SORCS1: variants seen among roughly 807,000 people sequenced by gnomAD.
SORCS1 encodes the protein sortilin related VPS10 domain containing receptor 1, also known as VPS10 domain-containing receptor SorCS1.
A neutral mutation model predicts 146.1 loss-of-function variants in SORCS1; 60 were observed. The observed-to-expected ratio is 0.41, with a 90% CI of 0.33 to 0.51. The LOEUF is 0.51. SORCS1 is among the 20% of genes least tolerant of loss of function. The probability of loss-of-function intolerance (pLI) is 0.21; values close to 1 mark genes in which losing one functional copy is unlikely to be tolerated. For synonymous variants in SORCS1, 637 were observed against 584.0 expected, an observed-to-expected ratio of 1.09 and a Z score of -1.31; for missense variants, 1,352 against 1,487.6, an observed-to-expected ratio of 0.91 and a Z score of 1.50.
intron 5 of SORCS1, among the ~76,000 whole-genome samples, chr10:106,738,112 G>C (rs1017718236): frequency 6.6e-6 from 1 of 152,124 alleles, no homozygotes; most frequent in African/African-American, 2.4e-5. Flanking sequence ...CATAAATGGG[G>C]AAGAAAAAAC....
intron 1 of SORCS1, among the ~76,000 whole-genome samples, chr10:107,101,565 C>A (rs541819111): frequency 6.6e-6 from 1 of 152,134 alleles, no homozygotes; most frequent in Non-Finnish European, 1.5e-5. Context: ...ACCTAGACAG[C>A]CCTCCCTCCT....
At position 106,689,559 on chromosome 10, in the gene SORCS1, G is replaced by A. The variant is rs571560361; in HGVS notation, c.1414-1221C>T. ...ACTTAACTTGGGCCCTTTATAACACGAAAAATTTTTAAGCAGAATAGTGAA... is the reference window on the plus strand; with the variant it reads ...ACTTAACTTGGGCCCTTTATAACACAAAAAATTTTTAAGCAGAATAGTGAA... On this transcript the variant is annotated intron_variant, in intron 9 of 25. Coordinates refer to ENST00000263054, the MANE Select transcript of SORCS1 (RefSeq NM_052918.5). Among the ~76,000 whole-genome samples, 6 of 152,222 alleles carry A rather than the reference G, an allele frequency of 3.9e-5. No homozygotes were observed. In the South Asian group the frequency reaches 6.2e-4, roughly 16 times the overall value.
intron 1 of SORCS1, among the ~76,000 whole-genome samples, chr10:107,118,744 T>G (rs955318960): frequency 1.3e-5 from 2 of 152,346 alleles, no homozygotes; most frequent in South Asian, 4.1e-4. Flanking sequence ...ATTTTTTTCT[T>G]GTCAGAATAA....
intron 3 of SORCS1, among the ~76,000 whole-genome samples, chr10:106,817,839 T>C (rs1947817079): frequency 6.6e-6 from 1 of 152,206 alleles, no homozygotes; most frequent in African/African-American, 2.4e-5. Flanking sequence ...CTAAATGATA[T>C]TTTTCTGTTG....
At chr10:107,114,104 G>C (rs1965869870) in intron 1 of SORCS1, among the ~76,000 whole-genome samples, 1 of 152,030 alleles carries the variant, frequency 6.6e-6, no homozygotes, top group Non-Finnish European at 1.5e-5. Flanking sequence ...TGAATAACTA[G>C]GTAATTTGAA....
intron 3 of SORCS1, among the ~76,000 whole-genome samples, chr10:106,803,498 G>T (rs943037167): frequency 1.3e-5 from 2 of 152,186 alleles, no homozygotes; most frequent in African/African-American, 4.8e-5. Flanking sequence ...ACATTTGAGT[G>T]ATTAGATTCT....
At chr10:106,585,869 A>G (rs1199123328) in intron 24 of SORCS1, among the ~76,000 whole-genome samples, 1 of 152,176 alleles carries the variant, frequency 6.6e-6, no homozygotes. Flanking sequence ...AATTATTCCA[A>G]CCAAAGCATG....
intron 1 of SORCS1, among the ~76,000 whole-genome samples, chr10:107,065,415 T>TTTTCTCTTTC (rs1554937383): frequency 8.3e-6 from 1 of 120,396 alleles, no homozygotes; most frequent in Non-Finnish European, 1.6e-5. Context: ...TCTCTCTTTC[T>TTTTCTCTTTC]TTTCTTTCTT....
At chr10:106,797,985 GT>G (rs1946660365) in intron 3 of SORCS1, among the ~76,000 whole-genome samples, 1 of 152,144 alleles carries the variant, frequency 6.6e-6, no homozygotes, top group Non-Finnish European at 1.5e-5. Flanking sequence ...TTTCTTATGG[GT>G]ACTGATATGG....
chr10:107,174,274 C>T, the SORCS1 span, among the ~76,000 whole-genome samples: 2 of 152,086 alleles, frequency 1.3e-5, no homozygotes, highest in East Asian at 3.9e-4. Flanking sequence ...GGCGCCATCT[C>T]GGCTCACTGC....
intron 1 of SORCS1, among the ~76,000 whole-genome samples, chr10:107,122,712 A>T (rs1966478010): frequency 6.6e-6 from 1 of 152,206 alleles, no homozygotes; most frequent in Admixed American, 6.5e-5. Flanking sequence ...CAGGAAAGAA[A>T]AAAAAAAGTA....
chr10:106,753,866 G>C (rs770069290), intron 5 of SORCS1, among the ~76,000 whole-genome samples: 3 of 152,172 alleles, frequency 2.0e-5, no homozygotes, highest in Non-Finnish European at 4.4e-5. Context: ...ATAGTGTGCA[G>C]ATAACACAGG....
chr10:106,794,501 CTTTT>C (rs35647552), intron 3 of SORCS1, among the ~76,000 whole-genome samples: 1 of 126,066 alleles, frequency 7.9e-6, no homozygotes. Flanking sequence ...TTTTCTTTTT[CTTTT>C]TTTTTTTTTT....
chr10:107,021,193 T>C (rs1958113969), intron 1 of SORCS1, among the ~76,000 whole-genome samples: 1 of 151,994 alleles, frequency 6.6e-6, no homozygotes, highest in Non-Finnish European at 1.5e-5. Context: ...ACCGGCTATG[T>C]GGAAAAACTG....
At chr10:106,793,043 C>T (rs951165641) in intron 3 of SORCS1, among the ~76,000 whole-genome samples, 1 of 152,006 alleles carries the variant, frequency 6.6e-6, no homozygotes, top group African/African-American at 2.4e-5. Context: ...GTGCTTAAGA[C>T]TTGGGATTAA....
chr10:107,055,194 G>T (rs1046805206), intron 1 of SORCS1, among the ~76,000 whole-genome samples: 3 of 152,176 alleles, frequency 2.0e-5, no homozygotes, highest in Non-Finnish European at 4.4e-5. Flanking sequence ...GTTTCTTCTA[G>T]TTTATTTTGC....
At chr10:106,895,467 C>T (rs1032855976) in intron 2 of SORCS1, among the ~76,000 whole-genome samples, 3 of 152,030 alleles carry the variant, frequency 2.0e-5, no homozygotes, top group African/African-American at 7.2e-5. Flanking sequence ...AAAAATTAGC[C>T]GGGCATGGTG....
At chr10:106,920,362 G>C (rs1291153886) in intron 2 of SORCS1, among the ~76,000 whole-genome samples, 1 of 152,156 alleles carries the variant, frequency 6.6e-6, no homozygotes, top group African/African-American at 2.4e-5. Flanking sequence ...AGGCCCCCGG[G>C]CTTTCTATTT....
chr10:107,133,588 A>C (rs1238419583), intron 1 of SORCS1, among the ~76,000 whole-genome samples: 1 of 152,132 alleles, frequency 6.6e-6, no homozygotes, highest in Non-Finnish European at 1.5e-5. Context: ...TCAGGTACAG[A>C]AGATGTTTTT....
Sources: gnomAD v4.1 joint callset for allele counts (sites outside exome capture counted in the v4.1 genomes callset) on GRCh38, gnomAD v4.1.1 for gene constraint, MANE v1.5 for transcripts, NCBI Gene and HGNC (gene_info 2026-07-23, HGNC 2026-07-21) for gene names.